ANKRD13B: variants seen among roughly 807,000 people sequenced by gnomAD.
ANKRD13B encodes ankyrin repeat domain 13B.
A neutral mutation model predicts 74.4 loss-of-function variants in ANKRD13B; 33 were observed. The ratio of observed to expected loss-of-function variants is 0.44; its 90% CI spans 0.34 to 0.59. The LOEUF (loss-of-function observed/expected upper bound fraction) is 0.59. Ranked by LOEUF, ANKRD13B falls within the 20% of genes least tolerant of loss-of-function variation. The probability of loss-of-function intolerance (pLI) is 0.02; values close to 1 mark genes in which losing one functional copy is unlikely to be tolerated. For synonymous variants in ANKRD13B, 341 were observed against 362.9 expected, an observed-to-expected ratio of 0.94 and a Z score of 0.68; for missense variants, 676 against 877.9, an observed-to-expected ratio of 0.77 and a Z score of 2.91.
chr17:29,611,483 G>C lies in ANKRD13B; in HGVS notation c.905-96G>C. The C allele has an allele frequency of 1.5e-6, 2 of 1,336,500 alleles. No homozygotes were observed. The highest frequency in any genetic ancestry group is 2.3e-5 in the East Asian group (1 of 43,032). 82.8% of individuals were successfully genotyped at this position (1,336,500 alleles called of 1,614,324 possible). A position where few individuals can be genotyped will look rare whatever the true frequency, so the allele number is the denominator to read the frequency against. ...GTGAGCAGGCCCCACCCCAGGAACC[G>C]GCCTCCTCCCTAGGTCTTGGGTGCT... On this transcript the variant is annotated intron_variant, in intron 8 of 14. Transcript: ENST00000394859. The surrounding 1 kb of genome is among the most constrained non-coding windows in gnomAD (Gnocchi z 4.3).
Position 29,611,541 on chromosome 17 carries a change from G to A in ANKRD13B, c.905-38G>A. The stretch of plus-strand genomic sequence containing the variant: ...CTGATGAGGTGCCCAGGTGTGTGTG[G>A]AGTTGCGGTGTCCTCTGAGATGCCA... On this transcript the variant is annotated intron_variant, in intron 8 of 14. Transcript: ENST00000394859. This position sits in a 1 kb window ranked among gnomAD's most constrained non-coding sequence, Gnocchi z 4.3. 6.2e-7 allele frequency: 1 copy of A among 1,602,938 alleles called. No homozygotes were observed. The highest frequency in any genetic ancestry group is 8.5e-7 in the Non-Finnish European group (1 of 1,169,906).
rs752384763 is a variant in ANKRD13B at position 29,609,132 on chromosome 17, G to A, written c.612G>A (p.Val204=). ...AGATTGACCACGACCGCCGGGTGGT[G>A]TACACAGAGACTCTGGCACTGGCTG... is the stretch of plus-strand genomic sequence containing the variant. The part of the protein sequence containing the change: ...VMEIDHDRRV[V]YTETLALAGQ... The change falls in exon 6 of 15, where the codon GTG becomes GTA. Residue 204 remains valine (V), a synonymous_variant. Coordinates refer to ENST00000394859, the MANE Select transcript of ANKRD13B (RefSeq NM_152345.5). This position sits in a 1 kb window ranked among gnomAD's most constrained non-coding sequence, Gnocchi z 4.0. 2.5e-6 allele frequency: 4 copies of A among 1,612,154 alleles called. No homozygotes were observed. The highest frequency in any genetic ancestry group is 2.2e-5 in the South Asian group (2 of 91,088).
chr17:29,603,397 T>A (rs551483176), intron 1 of ANKRD13B, among the ~76,000 whole-genome samples: 1 of 152,274 alleles, frequency 6.6e-6, no homozygotes, highest in East Asian at 1.9e-4. Flanking sequence ...CTTGCCACCA[T>A]GCCCAGCTAA....
intron 1 of ANKRD13B, among the ~76,000 whole-genome samples, chr17:29,604,824 T>C (rs768666787): frequency 5.3e-5 from 8 of 152,252 alleles, no homozygotes; most frequent in Non-Finnish European, 1.2e-4. Context: ...ATTACAGGCA[T>C]GAGCCACTGC....
rs2033831205 is a variant in ANKRD13B at position 29,593,304 on chromosome 17, C to T, written c.-318C>T. 6.7e-6 allele frequency among the ~76,000 whole-genome samples: 1 copy of T among 148,198 alleles called. No homozygotes were observed. The highest frequency in any genetic ancestry group is 6.7e-5 in the Admixed American group (1 of 14,926). ...CCGCTGCGGGCGCCTGCTCCCTCCG[C>T]CGAGCGGCGTCTTTGTGTGCGGGGG... On this transcript the variant is annotated 5_prime_UTR_variant, in exon 1 of 15. Coordinates refer to ENST00000394859, the MANE Select transcript of ANKRD13B (RefSeq NM_152345.5).
At position 29,612,903 on chromosome 17, in the gene ANKRD13B, C is replaced by T; in HGVS notation, c.1592C>T (p.Ala531Val). 1 of 1,598,366 alleles carries T rather than the reference C, an allele frequency of 6.3e-7. No homozygotes were observed. Among genetic ancestry groups the T allele is most frequent in the Non-Finnish European group, 8.5e-7 (1 of 1,179,648 alleles). ...TCCCCGCAGGTCACCATCTGGGAGG[C>T]GCTAACCAACAGCAAGCCAGGCACC... ...SEYDQVTIWE[A>V]LTNSKPGTHP... Residue 531 changes from alanine (A) to valine (V), a missense_variant, in exon 14 of 15, where the codon GCG becomes GTG. By Grantham distance (64) the Ala-to-Val change is moderately conservative (BLOSUM62 0). Transcript: ENST00000394859. This position sits in a 1 kb window ranked among gnomAD's most constrained non-coding sequence, Gnocchi z 6.1.
chr17:29,601,971 T>C (rs1177144680), intron 1 of ANKRD13B, among the ~76,000 whole-genome samples: 3 of 152,254 alleles, frequency 2.0e-5, no homozygotes. Flanking sequence ...TTTTCAGCAT[T>C]TGATTATGAT....
At position 29,608,791 on chromosome 17, in the gene ANKRD13B, C is replaced by T; in HGVS notation, c.422-60C>T. ...CGGATCCCAAACCCCATGCCCTGAGCTGGTCCAGGCCGTGTAGGCCAGACC... is the reference window on the plus strand; with the variant it reads ...CGGATCCCAAACCCCATGCCCTGAGTTGGTCCAGGCCGTGTAGGCCAGACC... On this transcript the variant is annotated intron_variant, in intron 4 of 14. Transcript: ENST00000394859. The surrounding 1 kb of genome is among the most constrained non-coding windows in gnomAD (Gnocchi z 6.4). 1 of 1,603,432 alleles carries T rather than the reference C, an allele frequency of 6.2e-7. No homozygotes were observed. Among genetic ancestry groups the T allele is most frequent in the South Asian group, 1.1e-5 (1 of 89,902 alleles).
intron 1 of ANKRD13B, among the ~76,000 whole-genome samples, chr17:29,606,994 G>A (rs1053806842): frequency 6.6e-6 from 1 of 152,012 alleles, no homozygotes; most frequent in South Asian, 2.1e-4. Context: ...AGGTTACAGC[G>A]AGCTGATATC....
chr17:29,607,884 AG>A lies in ANKRD13B; in HGVS notation c.250+8del. Reference sequence around the variant, plus strand: ...AATCGCAGCGGCTGGACAGGTGGGCAGCCCTGCTCACCCCAGCCCCACAGCC... The same window carrying A: ...AATCGCAGCGGCTGGACAGGTGGGCACCCTGCTCACCCCAGCCCCACAGCC... On this transcript the variant is annotated splice_region_variant and intron_variant, in intron 2 of 14. Coordinates refer to ENST00000394859, the MANE Select transcript of ANKRD13B (RefSeq NM_152345.5). The A allele has an allele frequency of 6.3e-7, 1 of 1,592,712 alleles. No individual in the cohort carries two copies. Among genetic ancestry groups the A allele is most frequent in the Non-Finnish European group, 8.6e-7 (1 of 1,168,766 alleles).
intron 1 of ANKRD13B, 166 bp downstream of exon 1, chr17:29,593,901 T>C (rs2150866570): frequency 1.0e-5 from 1 of 96,064 alleles, no homozygotes. Flanking sequence ...GGTGATCCCC[T>C]CCGGCCGGGA....
In ANKRD13B at chr17:29,611,420, A is replaced by C. The variant is rs975435206; in HGVS notation, c.905-159A>C. On this transcript the variant is annotated intron_variant, in intron 8 of 14. Coordinates refer to ENST00000394859, the MANE Select transcript of ANKRD13B (RefSeq NM_152345.5). The surrounding 1 kb of genome is among the most constrained non-coding windows in gnomAD (Gnocchi z 4.3). Reference sequence around the variant, plus strand: ...CTGGCCCCTGGTCCTTGAAGCACTCAGTCCCCTTCAGGTGAAGGTGCCTGA... The same window carrying C: ...CTGGCCCCTGGTCCTTGAAGCACTCCGTCCCCTTCAGGTGAAGGTGCCTGA... Among the ~76,000 whole-genome samples the C allele has an allele frequency of 2.0e-5, 3 of 152,202 alleles. No homozygotes were observed. The highest frequency in any genetic ancestry group is 7.2e-5 in the African/African-American group (3 of 41,456).
At chr17:29,606,413 C>G (rs968605587) in intron 1 of ANKRD13B, among the ~76,000 whole-genome samples, 6 of 150,920 alleles carry the variant, frequency 4.0e-5, no homozygotes, top group African/African-American at 1.5e-4. Context: ...CAAAAATTAG[C>G]CTGGCATAGT....
intron 1 of ANKRD13B, among the ~76,000 whole-genome samples, chr17:29,600,500 T>G (rs1472181568): frequency 6.6e-6 from 1 of 152,114 alleles, no homozygotes; most frequent in Non-Finnish European, 1.5e-5. Flanking sequence ...CCATACCTCA[T>G]CCTCTGCTGT....
chr17:29,600,021 C>T (rs1232986463), intron 1 of ANKRD13B, among the ~76,000 whole-genome samples: 15 of 151,760 alleles, frequency 9.9e-5, no homozygotes, highest in South Asian at 4.2e-4. Flanking sequence ...TGACTACAGG[C>T]GCCCGCCACC....
In ANKRD13B at chr17:29,608,302, C is replaced by T; in HGVS notation, c.421+62C>T. ...CACTTTAGGTCCTGCGCTTGCTCCC[C>T]TGCCTGGAATGTGTTCTCATAGTTC... On this transcript the variant is annotated intron_variant, in intron 4 of 14. Transcript: ENST00000394859. The surrounding 1 kb of genome is among the most constrained non-coding windows in gnomAD (Gnocchi z 6.4). 6.2e-7 allele frequency: 1 copy of T among 1,604,498 alleles called. No homozygotes were observed. The highest frequency in any genetic ancestry group is 8.5e-7 in the Non-Finnish European group (1 of 1,173,356).
At chr17:29,604,951 A>G (rs950066778) in intron 1 of ANKRD13B, among the ~76,000 whole-genome samples, 3 of 152,200 alleles carry the variant, frequency 2.0e-5, no homozygotes, top group Non-Finnish European at 4.4e-5. Context: ...TTAAATATGC[A>G]TCTCCACTCT....
intron 1 of ANKRD13B, among the ~76,000 whole-genome samples, chr17:29,601,764 GAA>G (rs74267071): frequency 1.5e-5 from 2 of 137,610 alleles, no homozygotes. Flanking sequence ...CTGGATTAGA[GAA>G]AAAAAAAAAA....
At chr17:29,594,316 A>C (rs2033876739) in intron 1 of ANKRD13B, among the ~76,000 whole-genome samples, 1 of 152,190 alleles carries the variant, frequency 6.6e-6, no homozygotes, top group Non-Finnish European at 1.5e-5. Context: ...GGCCTTGTCC[A>C]GGTGCTGAAA....
Sources: allele counts gnomAD v4.1 joint callset (sites outside exome capture counted in the v4.1 genomes callset), GRCh38; gene constraint gnomAD v4.1.1; non-coding constraint Gnocchi (gnomAD v3.1); transcripts MANE v1.5; gene names NCBI Gene and HGNC (gene_info 2026-07-23, HGNC 2026-07-21).